The following PAK4 variants were observed in gnomAD, a reference collection of about 807,000 sequenced individuals.
The protein encoded by PAK4 is p21 (RAC1) activated kinase 4, also known as serine/threonine-protein kinase PAK 4.
A neutral mutation model predicts 53.5 loss-of-function variants in PAK4; 49 were observed. That is an observed-to-expected ratio of 0.92 (90% CI 0.73 to 1.16). The LOEUF (loss-of-function observed/expected upper bound fraction) is 1.16, where lower values mean the gene tolerates loss of function less well. PAK4 is among the 50% of genes most tolerant of loss of function. PAK4 has a pLI of 0.00. For synonymous variants in PAK4, 376 were observed against 375.6 expected, an observed-to-expected ratio of 1.00 and a Z score of -0.01; for missense variants, 824 against 850.7, an observed-to-expected ratio of 0.97 and a Z score of 0.39.
intron 1 of PAK4, among the ~76,000 whole-genome samples, chr19:39,165,584 C>T (rs2144795018): frequency 6.6e-6 from 1 of 151,612 alleles, no homozygotes; most frequent in South Asian, 2.1e-4. Context: ...ACAGTGTCAC[C>T]TCAGCCCTCC....
intron 1 of PAK4, among the ~76,000 whole-genome samples, chr19:39,144,660 C>T (rs1030562522): frequency 2.0e-5 from 3 of 152,182 alleles, no homozygotes; most frequent in South Asian, 2.1e-4. Flanking sequence ...GCTCAGGGGC[C>T]GGCTGCTTCC....
downstream of PAK4, chr19:39,180,331 T>C (rs1260596237): frequency 1.3e-5 from 2 of 149,634 alleles, no homozygotes; most frequent in African/African-American, 4.9e-5. Context: ...AAAAAAAAAA[T>C]GCTAACATTG....
chr19:39,136,733 G>A (rs1293853465), intron 1 of PAK4, among the ~76,000 whole-genome samples: 1 of 152,204 alleles, frequency 6.6e-6, no homozygotes, highest in Non-Finnish European at 1.5e-5. Context: ...TTGGAGTGTG[G>A]TAGTCTCTCA....
chr19:39,141,983 T>C (rs928653135), intron 1 of PAK4, among the ~76,000 whole-genome samples: 13 of 151,948 alleles, frequency 8.6e-5, no homozygotes, highest in Admixed American at 5.9e-4. Flanking sequence ...TTGATAGGCC[T>C]CTTTTTTTTG....
In PAK4 at chr19:39,173,856, G is replaced by A. The variant is rs1443841955; in HGVS notation, c.944G>A (p.Gly315Asp). The change falls in exon 4 of 9, where the codon GGC becomes GAC. Residue 315 changes from glycine to aspartate, a missense_variant. Gly to Asp is a moderately conservative substitution (Grantham distance 94). Transcript: ENST00000358301. The surrounding 1 kb of genome is among the most constrained non-coding windows in gnomAD (Gnocchi z 6.9). ...GCCCTGCAGCTGGTGGTGGACCCAG[G>A]CGACCCCCGCTCCTACCTGGACAAC... 3 of 1,612,578 alleles carry A rather than the reference G, an allele frequency of 1.9e-6. No homozygotes were observed. In the African/African-American group the frequency reaches 4.0e-5, roughly 22 times the overall value.
chr19:39,173,456 C>G lies in PAK4; in HGVS notation c.663+80C>G. ...TCCCCACCTTCCAGCCCCGCCCCAC[C>G]ACCGTGCATCTCATCCTGACCACCC... On this transcript the variant is annotated intron_variant, in intron 3 of 8. Coordinates refer to ENST00000358301, the Ensembl canonical transcript of PAK4. This position sits in a 1 kb window ranked among gnomAD's most constrained non-coding sequence, Gnocchi z 6.9. The G allele has an allele frequency of 7.4e-7, 1 of 1,345,196 alleles. No homozygotes were observed. The highest frequency in any genetic ancestry group is 1.0e-6 in the Non-Finnish European group (1 of 993,746). 83.3% of individuals were successfully genotyped at this position (1,345,196 alleles called of 1,614,324 possible).
intron 1 of PAK4, among the ~76,000 whole-genome samples, chr19:39,132,373 TTTTC>T (rs536841088): frequency 1.3e-5 from 2 of 152,212 alleles, no homozygotes; most frequent in African/African-American, 2.4e-5. Flanking sequence ...CCCCGGTTTC[TTTTC>T]TTTCTTTCTT....
At chr19:39,141,616 A>G (rs1466474432) in intron 1 of PAK4, among the ~76,000 whole-genome samples, 1 of 148,268 alleles carries the variant, frequency 6.7e-6, no homozygotes, top group Admixed American at 6.7e-5. Context: ...GTACCCTGCC[A>G]TAATCCTTTT....
At position 39,178,291 on chromosome 19, in the gene PAK4, C is replaced by T. The variant is rs556286454; in HGVS notation, c.1621-133C>T. 5.2e-5 allele frequency: 45 copies of T among 859,180 alleles called. No homozygotes were observed. The African/African-American group carries it at 7.3e-4, about 14-fold the overall frequency. The allele number at this position is 859,180 out of a possible 1,614,324, so 53.2% of individuals were successfully genotyped here. On this transcript the variant is annotated intron_variant, in intron 8 of 8. Transcript: ENST00000358301. The surrounding 1 kb of genome is among the most constrained non-coding windows in gnomAD (Gnocchi z 4.4). The stretch of plus-strand genomic sequence containing the variant: ...CCGTCTACACCCCAAGATCTAGACA[C>T]CCATGACCTCCGCCCCCTGCCCTCC...
At chr19:39,129,934 A>T (rs1276245054) in intron 1 of PAK4, among the ~76,000 whole-genome samples, 1 of 152,126 alleles carries the variant, frequency 6.6e-6, no homozygotes, top group Admixed American at 6.5e-5. Context: ...CTTTCTGTGT[A>T]TCTGACTGTT....
At chr19:39,160,677 T>C (rs2074270057) in intron 1 of PAK4, among the ~76,000 whole-genome samples, 1 of 151,862 alleles carries the variant, frequency 6.6e-6, no homozygotes, top group Non-Finnish European at 1.5e-5. Flanking sequence ...GGGGAGGAGA[T>C]GAGGTTTGCG....
chr19:39,164,547 G>A (rs1385317603), intron 1 of PAK4, among the ~76,000 whole-genome samples: 4 of 152,160 alleles, frequency 2.6e-5, no homozygotes, highest in African/African-American at 9.7e-5. Flanking sequence ...TGTGGCCAGG[G>A]CACAGTGAGT....
intron 1 of PAK4, among the ~76,000 whole-genome samples, chr19:39,137,760 G>A (rs1490971638): frequency 2.0e-5 from 3 of 151,588 alleles, no homozygotes; most frequent in Non-Finnish European, 1.5e-5. Flanking sequence ...TCCGCCTGCC[G>A]GGTTCAAGCG....
chr19:39,143,289 T>TA (rs33954043), intron 1 of PAK4, among the ~76,000 whole-genome samples: 111 of 117,734 alleles, frequency 9.4e-4, no homozygotes, highest in African/African-American at 2.0e-3. Context: ...GTAGAAGCAT[T>TA]AAAAAAAAAA....
At chr19:39,160,577 G>C (rs1394174121) in intron 1 of PAK4, among the ~76,000 whole-genome samples, 1 of 152,216 alleles carries the variant, frequency 6.6e-6, no homozygotes, top group African/African-American at 2.4e-5. Flanking sequence ...TCTGGCTGAG[G>C]GAAGATAGGT....
intron 1 of PAK4, among the ~76,000 whole-genome samples, chr19:39,165,881 G>A (rs1214198665): frequency 6.6e-6 from 1 of 152,236 alleles, no homozygotes; most frequent in Non-Finnish European, 1.5e-5. Flanking sequence ...CCCTAGCTGG[G>A]CCACCTGGGT....
chr19:39,143,068 C>T (rs138457319), intron 1 of PAK4, among the ~76,000 whole-genome samples: 1,566 of 152,082 alleles, frequency 0.01, 20 homozygotes, highest in Middle Eastern at 0.027. Context: ...CAGACGCCAC[C>T]CCTTTAGAGA....
intron 1 of PAK4, among the ~76,000 whole-genome samples, chr19:39,165,586 C>A (rs2074362589): frequency 1.3e-5 from 2 of 151,798 alleles, no homozygotes; most frequent in Admixed American, 1.3e-4. Context: ...AGTGTCACCT[C>A]AGCCCTCCAG....
chr19:39,138,634 T>TGAGG (rs1425758234), intron 1 of PAK4, among the ~76,000 whole-genome samples: 1 of 152,224 alleles, frequency 6.6e-6, no homozygotes, highest in African/African-American at 2.4e-5. Context: ...CCTTGCTGGC[T>TGAGG]GAGGACCTCA....
Sources: gnomAD v4.1 joint callset for allele counts (sites outside exome capture counted in the v4.1 genomes callset) on GRCh38, gnomAD v4.1.1 for gene constraint, Gnocchi (gnomAD v3.1) non-coding constraint, MANE v1.5 for transcripts, NCBI Gene and HGNC (gene_info 2026-07-23, HGNC 2026-07-21) for gene names.